The following RPTOR variants were observed in gnomAD, a reference collection of about 807,000 sequenced individuals.
The protein encoded by RPTOR is regulatory-associated protein of mTOR.
RPTOR carries 21 observed loss-of-function variants against 169.9 expected under a neutral mutation model. That is an observed-to-expected ratio of 0.12 (90% CI 0.09 to 0.18). The LOEUF (loss-of-function observed/expected upper bound fraction) is 0.18, where lower values mean the gene tolerates loss of function less well. RPTOR is among the 10% of genes least tolerant of loss of function. The pLI, the probability that RPTOR is intolerant of heterozygous loss-of-function variation, is 1.00. For synonymous variants in RPTOR, 732 were observed against 753.2 expected (o/e 0.97, Z 0.46); for missense variants, 1,133 against 1,855.9 (o/e 0.61, Z 7.16).
intron 1 of RPTOR, among the ~76,000 whole-genome samples, chr17:80,606,701 A>G (rs1264957558): frequency 1.3e-5 from 2 of 152,076 alleles, no homozygotes; most frequent in African/African-American, 4.8e-5. Flanking sequence ...GTCTGAATGG[A>G]TCTGTCTACT....
At chr17:80,876,910 G>T (rs2068124214) in intron 13 of RPTOR, among the ~76,000 whole-genome samples, 1 of 130,034 alleles carries the variant, frequency 7.7e-6, no homozygotes, top group Admixed American at 8.1e-5. Context: ...GGGTGTGTGT[G>T]TCGCCTGCCG....
At chr17:80,892,046 C>G (rs1404083570) in intron 18 of RPTOR, among the ~76,000 whole-genome samples, 1 of 152,172 alleles carries the variant, frequency 6.6e-6, no homozygotes, top group Non-Finnish European at 1.5e-5. Flanking sequence ...TTACATTTTT[C>G]CTTTCTTTTT....
At chr17:80,922,671 C>T (rs559502878) in intron 21 of RPTOR, 53 bp from the exon 22 acceptor site, 3 of 1,431,444 alleles carry the variant, frequency 2.1e-6, no homozygotes, top group Non-Finnish European at 2.9e-6. Context: ...GTGTGGCGGC[C>T]TCCGCGGAGC....
intron 16 of RPTOR, 89 bp from the exon 17 acceptor site, chr17:80,884,919 G>T: frequency 2.0e-6 from 3 of 1,494,792 alleles, no homozygotes; most frequent in Non-Finnish European, 2.7e-6. Flanking sequence ...TGTGGGGTTG[G>T]ATTCACCTGC....
chr17:80,760,910 T>C (rs2066730837), intron 6 of RPTOR, among the ~76,000 whole-genome samples: 1 of 152,336 alleles, frequency 6.6e-6, no homozygotes, highest in South Asian at 2.1e-4. Context: ...TTGGACAAAA[T>C]GTGTACATGT....
At position 80,730,774 on chromosome 17, in the gene RPTOR, G is replaced by GGGGGGGGGGTT; in HGVS notation, c.654+68_654+69insGGGGGGGGGTT. The GGGGGGGGGGTT allele has an allele frequency of 1.7e-6, 2 of 1,173,522 alleles. No homozygotes were observed. The highest frequency in any genetic ancestry group is 2.5e-6 in the Non-Finnish European group (2 of 807,012). 72.7% of individuals were successfully genotyped at this position (1,173,522 alleles called of 1,614,324 possible). A position where few individuals can be genotyped will look rare whatever the true frequency, so the allele number is the denominator to read the frequency against. ...TGTTTTCCCTGGGGGTGGGGTTTGG[G>GGGGGGGGGGTT]TGGGGAGGTTGGGAGGTGTTGGACA... On this transcript the variant is annotated intron_variant, in intron 5 of 33. Coordinates refer to ENST00000306801, the MANE Select transcript of RPTOR (RefSeq NM_020761.3). This position sits in a 1 kb window ranked among gnomAD's most constrained non-coding sequence, Gnocchi z 4.2.
rs139239716 is a variant in RPTOR at position 80,644,136 on chromosome 17, C to T, written c.348+326C>T. Among the ~76,000 whole-genome samples the T allele has an allele frequency of 3.0e-4, 46 of 152,242 alleles. No individual in the cohort carries two copies. In the South Asian group the frequency reaches 5.2e-3, roughly 17 times the overall value. On this transcript the variant is annotated intron_variant, in intron 3 of 33. Transcript: ENST00000306801. ...TAATTTTTCTCAGGAAATGTATTTT[C>T]GATAATTTTTCTGCAACCTCAACTA...
In RPTOR at chr17:80,743,909, A is replaced by T. The variant is rs62069365; in HGVS notation, c.655-10101A>T. Among the ~76,000 whole-genome samples, 260 of 48,062 alleles carry T rather than the reference A, an allele frequency of 5.4e-3. 22 individuals are homozygous for T. The highest frequency in any genetic ancestry group is 0.02 in the African/African-American group (154 of 7,732). 31.5% of individuals were successfully genotyped at this position (48,062 alleles called of 152,430 possible). ...CTAGCACTGTCCTGGTTACGAGCAC[A>T]GCCCTGGTTACTAGCAGAGCCCTGG... On this transcript the variant is annotated intron_variant, in intron 5 of 33. Transcript: ENST00000306801.
At chr17:80,553,484 C>T (rs1028370979) in intron 1 of RPTOR, among the ~76,000 whole-genome samples, 1 of 152,246 alleles carries the variant, frequency 6.6e-6, no homozygotes, top group Non-Finnish European at 1.5e-5. Context: ...AAACTTGTAT[C>T]TGCCGCTGTG....
intron 6 of RPTOR, among the ~76,000 whole-genome samples, chr17:80,775,872 A>G (rs1047821781): frequency 6.6e-5 from 10 of 152,230 alleles, no homozygotes; most frequent in African/African-American, 2.4e-4. Context: ...TTGGAATTAA[A>G]TATATTTTGT....
chr17:80,930,440 GCTCATC>G, intron 24 of RPTOR, among the ~76,000 whole-genome samples: 3 of 72,656 alleles, frequency 4.1e-5, no homozygotes, highest in Non-Finnish European at 5.5e-5. Context: ...CTCATCCCCA[GCTCATC>G]CTCAGCTCAT....
Position 80,964,539 on chromosome 17 carries a change from G to C in RPTOR, c.*209G>C. On this transcript the variant is annotated 3_prime_UTR_variant, in exon 34 of 34. Transcript: ENST00000306801. ...AATGTCAGGGAAGGGGAGGGCTCGGGTTGACGGTGGCTTCCCACTGAGCAC... is the reference window on the plus strand; with the variant it reads ...AATGTCAGGGAAGGGGAGGGCTCGGCTTGACGGTGGCTTCCCACTGAGCAC... 1.7e-6 allele frequency: 1 copy of C among 596,856 alleles called. No homozygotes were observed. Among genetic ancestry groups the C allele is most frequent in the Non-Finnish European group, 3.0e-6 (1 of 334,542 alleles). The allele number at this position is 596,856 out of a possible 1,614,324, so 37.0% of individuals were successfully genotyped here.
chr17:80,666,129 G>A (rs1350953823), intron 3 of RPTOR, among the ~76,000 whole-genome samples: 1 of 151,970 alleles, frequency 6.6e-6, no homozygotes, highest in Admixed American at 6.5e-5. Context: ...TAAAAATCTT[G>A]CCATTTGATA....
In RPTOR at chr17:80,726,761, T is replaced by C. The variant is rs2143185163; in HGVS notation, c.508-3799T>C. ...GCTGTTCGCTAAGCCCAGAACATTA[T>C]AGGAGGTAAATAAATAGCACGCAGT... On this transcript the variant is annotated intron_variant, in intron 4 of 33. Transcript: ENST00000306801. This position sits in a 1 kb window ranked among gnomAD's most constrained non-coding sequence, Gnocchi z 4.5. Among the ~76,000 whole-genome samples the C allele has an allele frequency of 6.6e-6, 1 of 152,210 alleles. No individual in the cohort carries two copies. The highest frequency in any genetic ancestry group is 2.1e-4 in the South Asian group (1 of 4,826).
At chr17:80,630,899 G>T (rs888215352) in intron 2 of RPTOR, among the ~76,000 whole-genome samples, 2 of 152,168 alleles carry the variant, frequency 1.3e-5, no homozygotes, top group Admixed American at 6.5e-5. Flanking sequence ...GCGCCAGGCT[G>T]TGGAGTGGTG....
At chr17:80,776,741 A>G (rs765619668) in intron 6 of RPTOR, among the ~76,000 whole-genome samples, 25 of 152,186 alleles carry the variant, frequency 1.6e-4, no homozygotes, top group Non-Finnish European at 2.2e-4. Context: ...CTTACTTTGC[A>G]TATTGCAGGG....
intron 5 of RPTOR, among the ~76,000 whole-genome samples, chr17:80,732,162 G>T (rs533161720): frequency 6.7e-6 from 1 of 148,382 alleles, no homozygotes; most frequent in Admixed American, 6.6e-5. Context: ...AATAAATATC[G>T]CAAAAAAAAG....
intron 10 of RPTOR, among the ~76,000 whole-genome samples, chr17:80,839,037 G>T (rs2067597508): frequency 6.6e-6 from 1 of 152,234 alleles, no homozygotes. Context: ...GGCACCGATG[G>T]TCAGGAAGGT....
chr17:80,954,525 A>G (rs991008353), intron 28 of RPTOR, among the ~76,000 whole-genome samples: 2 of 152,206 alleles, frequency 1.3e-5, no homozygotes, highest in African/African-American at 2.4e-5. Context: ...TCGGCCTCCC[A>G]AAGTGCTGGG....
Sources: gnomAD v4.1 joint callset for allele counts (sites outside exome capture counted in the v4.1 genomes callset) on GRCh38, gnomAD v4.1.1 for gene constraint, Gnocchi (gnomAD v3.1) non-coding constraint, MANE v1.5 for transcripts, NCBI Gene and HGNC (gene_info 2026-07-23, HGNC 2026-07-21) for gene names.